The following TENM3 variants were observed in gnomAD, a reference collection of about 807,000 sequenced individuals.
The protein encoded by TENM3 is teneurin-3.
A neutral mutation model predicts 255.1 loss-of-function variants in TENM3; 63 were observed. The ratio of observed to expected loss-of-function variants is 0.25; its 90% CI spans 0.20 to 0.30. The LOEUF is 0.30. Ranked by LOEUF, TENM3 falls within the 10% of genes least tolerant of loss-of-function variation. TENM3 has a pLI of 1.00. For synonymous variants in TENM3, 1,306 were observed against 1,322.3 expected (o/e 0.99, Z 0.27); for missense variants, 2,929 against 3,461.1 (o/e 0.85, Z 3.86).
chr4:181,474,762 G>A, the TENM3 span, among the ~76,000 whole-genome samples: 1 of 148,140 alleles, frequency 6.8e-6, no homozygotes, highest in Non-Finnish European at 1.5e-5. Flanking sequence ...AACAAAGAAA[G>A]TTTCCATAGC....
At chr4:182,487,852 A>G (rs181260505) in intron 3 of TENM3, among the ~76,000 whole-genome samples, 1 of 152,322 alleles carries the variant, frequency 6.6e-6, no homozygotes, top group Admixed American at 6.5e-5. Context: ...TCTCATAAAT[A>G]TTTATTAAAT....
the TENM3 span, among the ~76,000 whole-genome samples, chr4:181,797,786 G>A: frequency 2.6e-5 from 4 of 152,194 alleles, no homozygotes; most frequent in African/African-American, 9.6e-5. Flanking sequence ...GCTTTCTAAT[G>A]TGGGGGCTTC....
chr4:181,832,303 T>C, the TENM3 span, among the ~76,000 whole-genome samples: 3 of 152,134 alleles, frequency 2.0e-5, no homozygotes, highest in Admixed American at 6.6e-5. Context: ...GTGGCCAATT[T>C]TTTTAAAAGC....
At chr4:182,368,107 C>A (rs1766552043) in intron 3 of TENM3, among the ~76,000 whole-genome samples, 1 of 152,166 alleles carries the variant, frequency 6.6e-6, no homozygotes, top group African/African-American at 2.4e-5. Context: ...TTAGTTACTT[C>A]CTGCAAATCT....
the TENM3 span, among the ~76,000 whole-genome samples, chr4:181,753,016 T>C: frequency 6.6e-6 from 1 of 152,194 alleles, no homozygotes; most frequent in African/African-American, 2.4e-5. Flanking sequence ...GTGATTATGA[T>C]TCATTGATTC....
At chr4:182,325,507 T>G (rs776829897) in intron 2 of TENM3, among the ~76,000 whole-genome samples, 16 of 152,240 alleles carry the variant, frequency 1.1e-4, no homozygotes, top group Non-Finnish European at 2.1e-4. Flanking sequence ...TAATCCGTTT[T>G]TCAGGGGAGA....
At chr4:181,901,913 G>A in the TENM3 span, among the ~76,000 whole-genome samples, 3 of 151,860 alleles carry the variant, frequency 2.0e-5, no homozygotes, top group Non-Finnish European at 2.9e-5. Context: ...GGATTATTTA[G>A]CAAGTTCTTT....
chr4:182,300,672 G>C (rs1304424015), intron 1 of TENM3, among the ~76,000 whole-genome samples: 1 of 152,134 alleles, frequency 6.6e-6, no homozygotes, highest in African/African-American at 2.4e-5. Flanking sequence ...TACCTTTTCA[G>C]CTGTAGAATT....
chr4:181,671,886 C>A, the TENM3 span, among the ~76,000 whole-genome samples: 2 of 152,054 alleles, frequency 1.3e-5, no homozygotes, highest in Non-Finnish European at 2.9e-5. Context: ...CCCAGGGACG[C>A]ATTTCTTACT....
the TENM3 span, among the ~76,000 whole-genome samples, chr4:181,878,915 G>T: frequency 1.3e-5 from 2 of 151,814 alleles, no homozygotes; most frequent in Admixed American, 6.6e-5. Flanking sequence ...TTGTCTATTG[G>T]TCTATGACCT....
the TENM3 span, among the ~76,000 whole-genome samples, chr4:181,850,123 C>A: frequency 1.3e-5 from 2 of 151,846 alleles, no homozygotes; most frequent in African/African-American, 4.8e-5. Flanking sequence ...TTTCCCAATT[C>A]ATTCACTCAT....
the TENM3 span, among the ~76,000 whole-genome samples, chr4:182,002,977 A>C: frequency 1.4e-4 from 21 of 152,124 alleles, no homozygotes; most frequent in Admixed American, 3.9e-4. Context: ...TAACTTGTAT[A>C]TAACTGTCAC....
intron 1 of TENM3, among the ~76,000 whole-genome samples, chr4:182,294,141 A>T (rs934277251): frequency 1.3e-5 from 2 of 152,174 alleles, no homozygotes; most frequent in African/African-American, 4.8e-5. Flanking sequence ...AGTTAAAAAA[A>T]AAAATGTCAT....
At chr4:182,454,288 G>A (rs957759490) in intron 3 of TENM3, among the ~76,000 whole-genome samples, 15 of 151,990 alleles carry the variant, frequency 9.9e-5, no homozygotes, top group Admixed American at 5.2e-4. Flanking sequence ...TCCTCTGATT[G>A]TAGATCGTCA....
At chr4:182,336,808 T>C (rs1043785266) in intron 2 of TENM3, among the ~76,000 whole-genome samples, 4 of 151,976 alleles carry the variant, frequency 2.6e-5, no homozygotes, top group African/African-American at 9.7e-5. Flanking sequence ...TCTTTTCCAT[T>C]TTTCTCCTTG....
the TENM3 span, among the ~76,000 whole-genome samples, chr4:181,905,237 T>A: frequency 7.2e-5 from 11 of 152,228 alleles, no homozygotes; most frequent in Admixed American, 6.5e-4. Context: ...TATTTAAGTA[T>A]GTATTTCTTA....
At chr4:181,637,443 C>G in the TENM3 span, among the ~76,000 whole-genome samples, 2 of 152,192 alleles carry the variant, frequency 1.3e-5, no homozygotes, top group African/African-American at 4.8e-5. Flanking sequence ...CAGAAAATGA[C>G]ACACGTCACT....
At chr4:182,509,818 TC>T (rs1169300905) in intron 3 of TENM3, among the ~76,000 whole-genome samples, 1 of 151,226 alleles carries the variant, frequency 6.6e-6, no homozygotes, top group Non-Finnish European at 1.5e-5. Flanking sequence ...ATGCCTGTAA[TC>T]CCAGCTACTT....
chr4:182,732,424 A>G (rs139808395), intron 16 of TENM3, among the ~76,000 whole-genome samples: 2 of 152,360 alleles, frequency 1.3e-5, no homozygotes, highest in Non-Finnish European at 2.9e-5. Flanking sequence ...ATAGCCATGC[A>G]TTCCCCATTC....
Sources: gnomAD v4.1 joint callset for allele counts (sites outside exome capture counted in the v4.1 genomes callset) on GRCh38, gnomAD v4.1.1 for gene constraint, MANE v1.5 for transcripts, NCBI Gene and HGNC (gene_info 2026-07-23, HGNC 2026-07-21) for gene names.